Variants in KYAT3 observed in about 807,000 individuals in gnomAD.
KYAT3 encodes the protein kynurenine aminotransferase 3, also known as kynurenine--oxoglutarate transaminase 3.
Under a neutral mutation model 59.0 loss-of-function variants are expected in KYAT3, and 50 were observed. The observed-to-expected ratio is 0.85, with a 90% CI of 0.68 to 1.07. The LOEUF (loss-of-function observed/expected upper bound fraction) is 1.07. KYAT3 is among the 50% of genes least tolerant of loss of function. The pLI, the probability that KYAT3 is intolerant of heterozygous loss-of-function variation, is 0.00. For missense variants in KYAT3, 497 were observed against 533.3 expected (o/e 0.93, Z 0.67); for synonymous variants, 148 against 177.0 (o/e 0.84, Z 1.30).
At chr1:88,927,730 C>CA in the KYAT3 span, among the ~76,000 whole-genome samples, 6 of 152,232 alleles carry the variant, frequency 3.9e-5, no homozygotes, top group Admixed American at 3.9e-4. Context: ...CTCTCTCAGA[C>CA]TTAAAGCAAA....
At chr1:88,934,886 C>A (rs1674981426), downstream of KYAT3, among the ~76,000 whole-genome samples, 1 of 151,892 alleles carries the variant, frequency 6.6e-6, no homozygotes, top group Non-Finnish European at 1.5e-5. Flanking sequence ...TGACCAGAAT[C>A]TCTGTCTTCA....
intron 10 of KYAT3, 149 bp downstream of exon 10, chr1:88,952,914 T>C: frequency 1.8e-6 from 1 of 563,924 alleles, no homozygotes; most frequent in East Asian, 2.9e-5. Flanking sequence ...TAACAGTGAA[T>C]ATGTATCTGC....
chr1:88,955,656 T>A (rs1675882472), intron 8 of KYAT3, among the ~76,000 whole-genome samples: 1 of 152,188 alleles, frequency 6.6e-6, no homozygotes, highest in South Asian at 2.1e-4. Flanking sequence ...ATTTTGCCTA[T>A]TTTCTGAGTG....
intron 2 of KYAT3, among the ~76,000 whole-genome samples, chr1:88,972,926 C>G (rs546784773): frequency 3.7e-4 from 56 of 152,282 alleles, no homozygotes; most frequent in African/African-American, 1.3e-3. Flanking sequence ...ACCATGCCCC[C>G]CTTAGTTTCA....
chr1:88,928,115 T>C, the KYAT3 span, among the ~76,000 whole-genome samples: 1 of 152,086 alleles, frequency 6.6e-6, no homozygotes. Context: ...TTCAATGATG[T>C]CCACTATAAC....
At chr1:88,924,722 C>T in the KYAT3 span, among the ~76,000 whole-genome samples, 2 of 152,218 alleles carry the variant, frequency 1.3e-5, no homozygotes, top group South Asian at 4.1e-4. Context: ...AAGGTGTCTG[C>T]TGTGCTCCTG....
At chr1:88,921,137 T>C in the KYAT3 span, among the ~76,000 whole-genome samples, 3 of 152,208 alleles carry the variant, frequency 2.0e-5, no homozygotes, top group African/African-American at 7.2e-5. Context: ...TCTCTTTTCA[T>C]CTTTCTGCTC....
intron 1 of KYAT3, among the ~76,000 whole-genome samples, chr1:88,992,015 G>A (rs1010017752): frequency 1.0e-4 from 14 of 140,318 alleles, no homozygotes; most frequent in Non-Finnish European, 1.8e-4. Flanking sequence ...GTCTTGCTCT[G>A]TCGCCCAGGC....
chr1:88,986,375 C>T (rs890259497), intron 2 of KYAT3, among the ~76,000 whole-genome samples: 20 of 151,574 alleles, frequency 1.3e-4, no homozygotes, highest in African/African-American at 4.8e-4. Flanking sequence ...CCTGTAATCC[C>T]AGCACTTTGG....
intron 11 of KYAT3, among the ~76,000 whole-genome samples, chr1:88,943,650 CA>C (rs1349166630): frequency 2.6e-5 from 4 of 152,158 alleles, no homozygotes; most frequent in African/African-American, 9.7e-5. Context: ...ACATATACAT[CA>C]GGGTGATTAG....
At chr1:88,953,197 A>G in intron 9 of KYAT3, 45 bp from the exon 10 acceptor site, 2 of 1,303,406 alleles carry the variant, frequency 1.5e-6, no homozygotes, top group African/African-American at 1.5e-5. Context: ...CTAATTGTAT[A>G]TAACAAATCT....
At chr1:88,937,420 T>C (rs894536310) in intron 13 of KYAT3, among the ~76,000 whole-genome samples, 22 of 152,160 alleles carry the variant, frequency 1.4e-4, no homozygotes, top group African/African-American at 5.1e-4. Context: ...TTGATTAAAT[T>C]AGTAGTTACA....
At chr1:88,953,229 T>G (rs1304937768) in intron 9 of KYAT3, 77 bp from the exon 10 acceptor site, 1 of 941,958 alleles carries the variant, frequency 1.1e-6, no homozygotes, top group Non-Finnish European at 1.7e-6. Flanking sequence ...TTAAACTTAG[T>G]GCAATTGTTA....
At chr1:88,952,873 G>A (rs1452880608) in intron 10 of KYAT3, among the ~76,000 whole-genome samples, 190 bp downstream of exon 10, 1 of 151,986 alleles carries the variant, frequency 6.6e-6, no homozygotes, top group Non-Finnish European at 1.5e-5. Flanking sequence ...AGCTAAAATT[G>A]TGTTTAAAAA....
At chr1:88,953,555 A>G (rs1675770132) in intron 9 of KYAT3, among the ~76,000 whole-genome samples, 1 of 151,826 alleles carries the variant, frequency 6.6e-6, no homozygotes, top group African/African-American at 2.4e-5. Flanking sequence ...CAAAAAAAAA[A>G]AAAAAAAAAA....
At chr1:88,959,580 A>C (rs2101042088) in intron 8 of KYAT3, among the ~76,000 whole-genome samples, 1 of 151,984 alleles carries the variant, frequency 6.6e-6, no homozygotes, top group Non-Finnish European at 1.5e-5. Flanking sequence ...CTCAAAAAAA[A>C]AAAAAAAAAA....
In KYAT3 at chr1:88,937,267, A is replaced by T. The variant is rs934701063; in HGVS notation, c.1303-1022T>A. On this transcript the variant is annotated intron_variant, in intron 13 of 13. Coordinates refer to ENST00000260508, the MANE Select transcript of KYAT3 (RefSeq NM_001008661.3). ...ACAGGACAGGTCGGCATGGGTGATA[A>T]AGCCCAGGTCGGGTGAAGATGTAGT... 3.3e-5 allele frequency among the ~76,000 whole-genome samples: 5 copies of T among 152,248 alleles called. No individual in the cohort carries two copies. In the South Asian group the frequency reaches 1.0e-3, roughly 32 times the overall value.
At chr1:88,961,091 T>A (rs1676120082) in intron 8 of KYAT3, 76 bp downstream of exon 8, 1 of 1,503,972 alleles carries the variant, frequency 6.6e-7, no homozygotes, top group Admixed American at 1.7e-5. Context: ...AGAGTTGGTC[T>A]GGGATGCTTT....
chr1:88,962,659 C>T (rs1433038387), intron 5 of KYAT3, among the ~76,000 whole-genome samples: 1 of 152,106 alleles, frequency 6.6e-6, no homozygotes. Context: ...CTCAAAAGCA[C>T]GGTTAATTTT....
Sources: gnomAD v4.1 joint callset for allele counts (sites outside exome capture counted in the v4.1 genomes callset) on GRCh38, gnomAD v4.1.1 for gene constraint, MANE v1.5 for transcripts, NCBI Gene and HGNC (gene_info 2026-07-23, HGNC 2026-07-21) for gene names.